The following PRKCH variants were observed in gnomAD, a reference collection of about 807,000 sequenced individuals.
PRKCH encodes protein kinase C eta type.
A neutral mutation model predicts 82.5 loss-of-function variants in PRKCH; 28 were observed. That is an observed-to-expected ratio of 0.34 (90% CI 0.25 to 0.47). The LOEUF (loss-of-function observed/expected upper bound fraction) is 0.47. Ranked by LOEUF, PRKCH falls within the 20% of genes least tolerant of loss-of-function variation. The pLI, the probability that PRKCH is intolerant of heterozygous loss-of-function variation, is 1.00. For synonymous variants in PRKCH, 322 were observed against 327.4 expected, an observed-to-expected ratio of 0.98 and a Z score of 0.18; for missense variants, 705 against 881.8, an observed-to-expected ratio of 0.80 and a Z score of 2.54.
rs539744153 is a variant in PRKCH at position 61,197,786 on chromosome 14, A to G, written c.-19+10118A>G. Among the ~76,000 whole-genome samples the G allele has an allele frequency of 1.1e-3, 167 of 152,300 alleles. 1 individual carries two copies. Among genetic ancestry groups the G allele is most frequent in the African/African-American group, 3.6e-3 (150 of 41,556 alleles). Reference sequence around the variant, plus strand: ...CACTATATCTCCAAGGCTGTTCACTATGCACACTTGCTTGAAAAGGTGATC... The same window carrying G: ...CACTATATCTCCAAGGCTGTTCACTGTGCACACTTGCTTGAAAAGGTGATC... On this transcript the variant is annotated intron_variant, in intron 1 of 3. Coordinates refer to the PRKCH transcript ENST00000555185.
chr14:61,259,360 C>A (rs180680582), intron 1 of PRKCH, among the ~76,000 whole-genome samples: 1 of 152,068 alleles, frequency 6.6e-6, no homozygotes, highest in South Asian at 2.1e-4. Flanking sequence ...ATTTTCTGGG[C>A]GTTTATGGAA....
At chr14:61,542,221 G>T (rs541270602) in intron 12 of PRKCH, among the ~76,000 whole-genome samples, 5 of 151,592 alleles carry the variant, frequency 3.3e-5, no homozygotes, top group Non-Finnish European at 7.4e-5. Flanking sequence ...ACCTGGGAGG[G>T]GGAGGTTGCA....
chr14:61,349,431 C>T (rs1566832153), intron 1 of PRKCH, among the ~76,000 whole-genome samples: 1 of 152,168 alleles, frequency 6.6e-6, no homozygotes. Flanking sequence ...TTTCTAGGAA[C>T]ATACAACCAA....
chr14:61,396,679 G>A (rs1315479334), intron 2 of PRKCH, among the ~76,000 whole-genome samples: 1 of 152,324 alleles, frequency 6.6e-6, no homozygotes, highest in East Asian at 1.9e-4. Flanking sequence ...TGATAAATAG[G>A]ACTGTGCCTA....
chr14:61,344,994 G>A (rs1437031076), intron 1 of PRKCH, among the ~76,000 whole-genome samples: 1 of 152,076 alleles, frequency 6.6e-6, no homozygotes. Context: ...TTATCATTAG[G>A]CTGGCCAAGA....
chr14:61,490,392 C>T (rs1886403835), intron 10 of PRKCH, among the ~76,000 whole-genome samples: 3 of 152,204 alleles, frequency 2.0e-5, no homozygotes, highest in Admixed American at 1.3e-4. Flanking sequence ...ATCTCACTCG[C>T]AAGATTAAGC....
chr14:61,429,025 G>A (rs992261504), intron 2 of PRKCH, among the ~76,000 whole-genome samples: 3 of 152,074 alleles, frequency 2.0e-5, no homozygotes, highest in African/African-American at 7.2e-5. Context: ...CAAGGCCAAA[G>A]GTTAAAAATA....
intron 1 of PRKCH, among the ~76,000 whole-genome samples, chr14:61,292,068 G>A (rs1294349740): frequency 6.6e-6 from 1 of 152,122 alleles, no homozygotes; most frequent in Non-Finnish European, 1.5e-5. Flanking sequence ...TATCAGTCAG[G>A]AAGTGGCATG....
chr14:61,497,790 G>A (rs1280470382), intron 10 of PRKCH, among the ~76,000 whole-genome samples: 2 of 152,044 alleles, frequency 1.3e-5, no homozygotes, highest in East Asian at 1.9e-4. Context: ...CTGACTACAT[G>A]AGTGTAATGG....
chr14:61,455,868 A>G (rs931962651), intron 7 of PRKCH, among the ~76,000 whole-genome samples: 3 of 152,148 alleles, frequency 2.0e-5, no homozygotes, highest in African/African-American at 7.2e-5. Flanking sequence ...ACTCAGTAGG[A>G]TGGAACTGGA....
At chr14:61,218,196 T>C (rs376106073) in intron 1 of PRKCH, among the ~76,000 whole-genome samples, 34 of 152,308 alleles carry the variant, frequency 2.2e-4, no homozygotes, top group African/African-American at 8.2e-4. Flanking sequence ...AAATATTTCT[T>C]AAAGGGAGGG....
chr14:61,341,896 G>A (rs746036636), intron 1 of PRKCH, among the ~76,000 whole-genome samples: 5 of 152,202 alleles, frequency 3.3e-5, no homozygotes, highest in Non-Finnish European at 5.9e-5. Flanking sequence ...CATGAGTTCA[G>A]AGGCTTTGTC....
intron 1 of PRKCH, among the ~76,000 whole-genome samples, chr14:61,334,424 A>G (rs771918417): frequency 3.9e-5 from 6 of 152,134 alleles, no homozygotes; most frequent in Non-Finnish European, 8.8e-5. Context: ...CTTTATCTGG[A>G]GTGGTCACTG....
intron 2 of PRKCH, among the ~76,000 whole-genome samples, chr14:61,412,239 TG>T (rs1305379503): frequency 6.6e-6 from 1 of 152,196 alleles, no homozygotes; most frequent in Non-Finnish European, 1.5e-5. Context: ...TTAACGCAGA[TG>T]TTACAATTAG....
chr14:61,461,252 C>T (rs549550198), intron 9 of PRKCH, among the ~76,000 whole-genome samples: 4 of 152,292 alleles, frequency 2.6e-5, no homozygotes, highest in South Asian at 4.1e-4. Flanking sequence ...AGCCTTGAAA[C>T]GACTTCCTTG....
chr14:61,433,326 A>G (rs544954535), intron 2 of PRKCH, among the ~76,000 whole-genome samples: 12 of 152,302 alleles, frequency 7.9e-5, no homozygotes, highest in Admixed American at 5.2e-4. Flanking sequence ...CCAGAACTTG[A>G]GAGCTTAAAA....
chr14:61,216,640 T>C (rs2044618436), intron 1 of PRKCH, among the ~76,000 whole-genome samples: 1 of 152,094 alleles, frequency 6.6e-6, no homozygotes. Flanking sequence ...CACACTTACT[T>C]CACTCCCCTG....
chr14:61,549,648 A>C, intron 13 of PRKCH, 37 bp from the exon 14 acceptor site: 1 of 1,604,424 alleles, frequency 6.2e-7, no homozygotes, highest in Non-Finnish European at 8.5e-7. Context: ...CCTCAAGCGC[A>C]AAAATCTCAC....
intron 9 of PRKCH, chr14:61,477,370 A>G (rs1447001928): frequency 6.6e-6 from 1 of 152,218 alleles, no homozygotes; most frequent in African/African-American, 2.4e-5. Flanking sequence ...CATCCTCACT[A>G]TAATTCTGAG....
Sources: gnomAD v4.1 joint callset for allele counts (sites outside exome capture counted in the v4.1 genomes callset) on GRCh38, gnomAD v4.1.1 for gene constraint, MANE v1.5 for transcripts, NCBI Gene and HGNC (gene_info 2026-07-23, HGNC 2026-07-21) for gene names.